The following HERC1 variants were observed in gnomAD, a reference collection of about 807,000 sequenced individuals.
HERC1 encodes the protein HECT and RLD domain containing E3 ubiquitin protein ligase family member 1, also known as probable E3 ubiquitin-protein ligase HERC1.
HERC1 carries 160 observed loss-of-function variants against 554.3 expected under a neutral mutation model. That is an observed-to-expected ratio of 0.29 (90% CI 0.25 to 0.33). The LOEUF (loss-of-function observed/expected upper bound fraction) is 0.33, where lower values mean the gene tolerates loss of function less well. HERC1 is among the 10% of genes least tolerant of loss of function. The pLI is 1.00. For synonymous variants in HERC1, 2,175 were observed against 2,131.7 expected (o/e 1.02, Z -0.56); for missense variants, 4,919 against 5,918.5 (o/e 0.83, Z 5.54).
intron 2 of HERC1, among the ~76,000 whole-genome samples, chr15:63,765,868 ATTTTT>A (rs1375202499): frequency 6.6e-6 from 1 of 152,058 alleles, no homozygotes. Flanking sequence ...ACTTTATTTT[ATTTTT>A]TTGAGACTGT....
chr15:63,625,718 ATGGTATGT>A (rs1268769904), intron 71 of HERC1, among the ~76,000 whole-genome samples: 2 of 151,956 alleles, frequency 1.3e-5, no homozygotes, highest in Non-Finnish European at 2.9e-5. Flanking sequence ...AAAGAAAGAA[ATGGTATGT>A]GTAGTATGCG....
At chr15:63,710,879 G>T (rs1274915220) in intron 24 of HERC1, among the ~76,000 whole-genome samples, 2 of 152,192 alleles carry the variant, frequency 1.3e-5, no homozygotes, top group African/African-American at 4.8e-5. Context: ...GACAGAAGGA[G>T]AATCACTGAG....
intron 73 of HERC1, among the ~76,000 whole-genome samples, 176 bp from the exon 74 acceptor site, chr15:63,623,067 T>A (rs2068155216): frequency 6.6e-6 from 1 of 152,026 alleles, no homozygotes; most frequent in African/African-American, 2.4e-5. Flanking sequence ...AATTAGGAAA[T>A]CCCCCATATG....
chr15:63,625,823 G>A (rs1044953851), intron 71 of HERC1, 162 bp downstream of exon 71: 2 of 770,454 alleles, frequency 2.6e-6, no homozygotes, highest in African/African-American at 1.7e-5. Context: ...CCTCTAGACT[G>A]TCCCTAACAC....
At position 63,737,549 on chromosome 15, in the gene HERC1, C is replaced by CTT. The variant is rs1412582426; in HGVS notation, c.2521-2702_2521-2701dup. 1.4e-3 allele frequency among the ~76,000 whole-genome samples: 48 copies of CTT among 35,216 alleles called. 2 individuals carry two copies. Among genetic ancestry groups the CTT allele is most frequent in the Non-Finnish European group, 2.1e-3 (33 of 15,738 alleles). The allele number at this position is 35,216 out of a possible 152,430, so 23.1% of individuals were successfully genotyped here. On this transcript the variant is annotated intron_variant, in intron 12 of 77. Transcript: ENST00000443617. ...TATATATATATATATATATATATATCTTTTTTTTTTTTAGTAGAGAAGGGG... is the reference window on the plus strand; with the variant it reads ...TATATATATATATATATATATATATCTTTTTTTTTTTTTTAGTAGAGAAGGGG...
chr15:63,786,179 T>C (rs570011952), intron 1 of HERC1, among the ~76,000 whole-genome samples: 18 of 151,596 alleles, frequency 1.2e-4, no homozygotes, highest in African/African-American at 4.1e-4. Flanking sequence ...GGAGGACTGC[T>C]GGAGGCCAGG....
intron 1 of HERC1, among the ~76,000 whole-genome samples, chr15:63,814,663 T>C (rs1028850246): frequency 6.6e-6 from 1 of 152,106 alleles, no homozygotes; most frequent in Admixed American, 6.5e-5. Context: ...GAGACAGGGT[T>C]TTGCCATGTT....
chr15:63,637,162 A>G (rs1467097065), intron 64 of HERC1: 2 of 462,532 alleles, frequency 4.3e-6, no homozygotes, highest in Non-Finnish European at 8.6e-6. Flanking sequence ...ATTTCCATAT[A>G]AACTGATTTT....
At chr15:63,793,800 G>C (rs190642339) in intron 1 of HERC1, among the ~76,000 whole-genome samples, 14 of 152,226 alleles carry the variant, frequency 9.2e-5, no homozygotes, top group Non-Finnish European at 1.8e-4. Context: ...CCCTGTGTTA[G>C]AGATGTGTGA....
At chr15:63,776,397 T>C (rs1018078371) in intron 1 of HERC1, among the ~76,000 whole-genome samples, 3 of 152,196 alleles carry the variant, frequency 2.0e-5, no homozygotes, top group African/African-American at 4.8e-5. Flanking sequence ...GCCAAAAACT[T>C]TGGGACTCAT....
chr15:63,703,307 C>G (rs151170432), intron 25 of HERC1, among the ~76,000 whole-genome samples: 1 of 152,262 alleles, frequency 6.6e-6, no homozygotes, highest in African/African-American at 2.4e-5. Context: ...CAGCGTGAAT[C>G]TTAGTATCCC....
chr15:63,762,583 C>G (rs1244890185), intron 3 of HERC1, among the ~76,000 whole-genome samples: 2 of 152,104 alleles, frequency 1.3e-5, no homozygotes, highest in East Asian at 3.9e-4. Flanking sequence ...CCTCGGCCTC[C>G]CAAAGTGCTG....
At chr15:63,782,023 A>G (rs1033589594) in intron 1 of HERC1, among the ~76,000 whole-genome samples, 6 of 152,224 alleles carry the variant, frequency 3.9e-5, no homozygotes, top group Non-Finnish European at 5.9e-5. Context: ...TGAAGCTAGC[A>G]GAGGTTCACT....
chr15:63,827,565 C>G (rs2077985979), intron 1 of HERC1, among the ~76,000 whole-genome samples: 1 of 151,792 alleles, frequency 6.6e-6, no homozygotes, highest in Non-Finnish European at 1.5e-5. Context: ...AAGAAGGGAA[C>G]AGGAAAACAA....
At chr15:63,617,865 T>C (rs2067893416) in intron 74 of HERC1, among the ~76,000 whole-genome samples, 1 of 152,248 alleles carries the variant, frequency 6.6e-6, no homozygotes, top group Non-Finnish European at 1.5e-5. Flanking sequence ...TGTTTTTTTC[T>C]TGTAAATGTG....
chr15:63,753,709 T>C (rs570878195), intron 7 of HERC1, among the ~76,000 whole-genome samples: 20 of 152,312 alleles, frequency 1.3e-4, no homozygotes, highest in South Asian at 1.2e-3. Flanking sequence ...GAGTGACTAA[T>C]TAAAGTAGAC....
At chr15:63,623,348 C>T (rs2068167027) in intron 73 of HERC1, among the ~76,000 whole-genome samples, 1 of 152,120 alleles carries the variant, frequency 6.6e-6, no homozygotes, top group Non-Finnish European at 1.5e-5. Context: ...TTTTCTAACT[C>T]CCCTGGAATC....
chr15:63,662,277 G>T (rs973246853), intron 44 of HERC1, among the ~76,000 whole-genome samples: 1 of 151,812 alleles, frequency 6.6e-6, no homozygotes, highest in Non-Finnish European at 1.5e-5. Flanking sequence ...AAGAGTTAAT[G>T]AACATGACAA....
rs1566956531 is a variant in HERC1 at position 63,632,827 on chromosome 15, G to T, written c.12694-16C>A. On this transcript the variant is annotated splice_polypyrimidine_tract_variant and intron_variant, in intron 67 of 77. Transcript: ENST00000443617. The stretch of plus-strand genomic sequence containing the variant: ...CGTCAATTTTCTACAAAATAAAAGT[G>T]TAAGGCACACAACTTTAAGAAGAAA... 6.7e-7 allele frequency: 1 copy of T among 1,496,052 alleles called. No individual in the cohort carries two copies. The highest frequency in any genetic ancestry group is 9.1e-7 in the Non-Finnish European group (1 of 1,097,386). 92.7% of individuals were successfully genotyped at this position (1,496,052 alleles called of 1,614,324 possible).
Sources: allele counts gnomAD v4.1 joint callset (sites outside exome capture counted in the v4.1 genomes callset), GRCh38; gene constraint gnomAD v4.1.1; transcripts MANE v1.5; gene names NCBI Gene and HGNC (gene_info 2026-07-23, HGNC 2026-07-21).